The following PTGFRN variants were observed in gnomAD, a reference collection of about 807,000 sequenced individuals.
The protein encoded by PTGFRN is prostaglandin F2 receptor inhibitor.
A neutral mutation model predicts 83.2 loss-of-function variants in PTGFRN; 35 were observed. The ratio of observed to expected loss-of-function variants is 0.42; its 90% CI spans 0.32 to 0.56. The LOEUF (loss-of-function observed/expected upper bound fraction) is 0.56. Ranked by LOEUF, PTGFRN falls within the 20% of genes least tolerant of loss-of-function variation. The pLI, the probability that PTGFRN is intolerant of heterozygous loss-of-function variation, is 0.11. For missense variants in PTGFRN, 1,051 were observed against 1,179.5 expected (o/e 0.89, Z 1.60); for synonymous variants, 519 against 498.6 (o/e 1.04, Z -0.55).
intron 1 of PTGFRN, among the ~76,000 whole-genome samples, chr1:116,919,368 CATTT>C (rs575771485): frequency 4.6e-5 from 7 of 152,148 alleles, no homozygotes; most frequent in African/African-American, 1.7e-4. Context: ...TTTTTTGTAG[CATTT>C]ATTTTGTGCC....
At chr1:116,984,644 G>A (rs1214642029) in intron 7 of PTGFRN, 36 bp from the exon 8 acceptor site, 1 of 1,597,118 alleles carries the variant, frequency 6.3e-7, no homozygotes, top group Non-Finnish European at 8.5e-7. Context: ...TCTGCCCATT[G>A]CACTGACCCC....
intron 8 of PTGFRN, among the ~76,000 whole-genome samples, chr1:116,985,647 G>C (rs1044680841): frequency 6.6e-6 from 1 of 151,546 alleles, no homozygotes; most frequent in African/African-American, 2.4e-5. Flanking sequence ...GGTGGAGGTT[G>C]CAGTGAGCCG....
chr1:116,934,813 TAAC>T (rs1246017453), intron 1 of PTGFRN, among the ~76,000 whole-genome samples: 1 of 152,226 alleles, frequency 6.6e-6, no homozygotes, highest in Admixed American at 6.5e-5. Context: ...ACTTTTTTCC[TAAC>T]AGGCCAGTAG....
chr1:116,953,562 C>T (rs1032845730), intron 4 of PTGFRN, among the ~76,000 whole-genome samples: 4 of 151,626 alleles, frequency 2.6e-5, no homozygotes, highest in African/African-American at 9.7e-5. Flanking sequence ...CTTAAATGCT[C>T]ACTGCATTTT....
chr1:116,928,074 C>T (rs959135182), intron 1 of PTGFRN, among the ~76,000 whole-genome samples: 1 of 152,190 alleles, frequency 6.6e-6, no homozygotes, highest in Non-Finnish European at 1.5e-5. Flanking sequence ...CTTCTTACCC[C>T]CTGTGGCCTG....
At chr1:116,949,827 C>T (rs1326615879) in intron 4 of PTGFRN, among the ~76,000 whole-genome samples, 4 of 152,128 alleles carry the variant, frequency 2.6e-5, no homozygotes, top group Admixed American at 6.5e-5. Context: ...CTTTTGTTGT[C>T]GACATTTGCA....
intron 1 of PTGFRN, among the ~76,000 whole-genome samples, chr1:116,911,348 A>G (rs938210192): frequency 2.0e-4 from 30 of 152,186 alleles, no homozygotes; most frequent in Admixed American, 1.1e-3. Context: ...AGCTGCACAC[A>G]GGGCAAATGA....
intron 3 of PTGFRN, among the ~76,000 whole-genome samples, chr1:116,947,823 C>G (rs1365642695): frequency 6.6e-6 from 1 of 152,184 alleles, no homozygotes; most frequent in African/African-American, 2.4e-5. Context: ...TACCCTCAGG[C>G]TACTTTTGGC....
chr1:116,966,342 C>T (rs1046355233), intron 5 of PTGFRN, among the ~76,000 whole-genome samples: 11 of 152,354 alleles, frequency 7.2e-5, no homozygotes, highest in South Asian at 4.1e-4. Flanking sequence ...CAAATACATA[C>T]GCTACAGTCA....
At chr1:116,942,108 A>G in intron 2 of PTGFRN, 25 bp downstream of exon 2, 1 of 1,587,278 alleles carries the variant, frequency 6.3e-7, no homozygotes, top group Non-Finnish European at 8.6e-7. Context: ...TGGGCTTGTT[A>G]TGCCAGGGGC....
In PTGFRN at chr1:116,961,764, T is replaced by C. The variant is rs1479005438; in HGVS notation, c.1639+96T>C. On this transcript the variant is annotated intron_variant, in intron 5 of 8. Coordinates refer to ENST00000393203, the MANE Select transcript of PTGFRN (RefSeq NM_020440.4). This position sits in a 1 kb window ranked among gnomAD's most constrained non-coding sequence, Gnocchi z 5.4. ...ACAGTCACCCTCTGCAGGTTATCACTTACACTAGGAATGTGTGTCCTGGAC... is the reference window on the plus strand; with the variant it reads ...ACAGTCACCCTCTGCAGGTTATCACCTACACTAGGAATGTGTGTCCTGGAC... 7.6e-6 allele frequency: 9 copies of C among 1,188,510 alleles called. No homozygotes were observed. The highest frequency in any genetic ancestry group is 1.1e-5 in the Non-Finnish European group (9 of 853,996). The allele number at this position is 1,188,510 out of a possible 1,614,324, so 73.6% of individuals were successfully genotyped here. A position where few individuals can be genotyped will look rare whatever the true frequency, so the allele number is the denominator to read the frequency against.
intron 3 of PTGFRN, among the ~76,000 whole-genome samples, chr1:116,945,438 G>T (rs1345108246): frequency 6.6e-6 from 1 of 152,188 alleles, no homozygotes; most frequent in East Asian, 1.9e-4. Context: ...TTGGTGTTCA[G>T]TGGAGCTTTG....
chr1:116,911,938 TTGCACAGATGG>T, intron 1 of PTGFRN, among the ~76,000 whole-genome samples: 1 of 152,364 alleles, frequency 6.6e-6, no homozygotes, highest in South Asian at 2.1e-4. Context: ...TGGCCTAGGT[TTGCACAGATGG>T]TGCACTGTAC....
At chr1:116,928,341 A>T (rs1375072648) in intron 1 of PTGFRN, among the ~76,000 whole-genome samples, 1 of 152,014 alleles carries the variant, frequency 6.6e-6, no homozygotes, top group Non-Finnish European at 1.5e-5. Flanking sequence ...CCTATTCTTC[A>T]TCCTAATTGT....
Position 116,942,092 on chromosome 1 carries a change from C to T in PTGFRN, c.418+9C>T, listed in dbSNP as rs376714093. On this transcript the variant is annotated intron_variant, in intron 2 of 8. Coordinates refer to ENST00000393203, the MANE Select transcript of PTGFRN (RefSeq NM_020440.4). ...CACAGTGCAGGTTAAAGGTACAGTC[C>T]TCACATGGGCTTGTTATGCCAGGGG... The T allele has an allele frequency of 7.5e-6, 12 of 1,597,900 alleles. 1 individual carries two copies. The African/African-American group carries it at 8.0e-5, about 11-fold the overall frequency.
intron 1 of PTGFRN, among the ~76,000 whole-genome samples, chr1:116,912,441 C>T (rs1305259574): frequency 2.0e-5 from 3 of 152,178 alleles, no homozygotes; most frequent in Non-Finnish European, 4.4e-5. Flanking sequence ...ATCTTTCCTC[C>T]TGGGGTGTAA....
At chr1:116,932,822 G>A (rs1374243086) in intron 1 of PTGFRN, among the ~76,000 whole-genome samples, 1 of 152,158 alleles carries the variant, frequency 6.6e-6, no homozygotes, top group Non-Finnish European at 1.5e-5. Context: ...TAATGCAATT[G>A]AAGGCAAACG....
At chr1:116,935,568 T>A (rs1342915727) in intron 1 of PTGFRN, among the ~76,000 whole-genome samples, 2 of 152,132 alleles carry the variant, frequency 1.3e-5, no homozygotes, top group Non-Finnish European at 2.9e-5. Context: ...GAAATCTCAA[T>A]TATTGGTCTT....
At chr1:116,917,150 G>T (rs552320293) in intron 1 of PTGFRN, among the ~76,000 whole-genome samples, 8 of 152,278 alleles carry the variant, frequency 5.3e-5, no homozygotes, top group African/African-American at 1.9e-4. Context: ...TGTGAAGTCT[G>T]CCCAGTGAAG....
Sources: gnomAD v4.1 joint callset for allele counts (sites outside exome capture counted in the v4.1 genomes callset) on GRCh38, gnomAD v4.1.1 for gene constraint, Gnocchi (gnomAD v3.1) non-coding constraint, MANE v1.5 for transcripts, NCBI Gene and HGNC (gene_info 2026-07-23, HGNC 2026-07-21) for gene names.